Variants in STT3B observed in about 807,000 individuals in gnomAD.
STT3B encodes dolichyl-diphosphooligosaccharide--protein glycosyltransferase subunit STT3B.
Under a neutral mutation model 96.8 loss-of-function variants are expected in STT3B, and 29 were observed. That is an observed-to-expected ratio of 0.30 (90% CI 0.22 to 0.41). The LOEUF (loss-of-function observed/expected upper bound fraction) is 0.41. Among genes scored for constraint, STT3B ranks in the 10% least tolerant of loss-of-function variants. The pLI, the probability that STT3B is intolerant of heterozygous loss-of-function variation, is 1.00. For synonymous variants in STT3B, 367 were observed against 360.0 expected (o/e 1.02, Z -0.22); for missense variants, 640 against 1,022.3 (o/e 0.63, Z 5.10).
intron 2 of STT3B, among the ~76,000 whole-genome samples, chr3:31,578,936 C>G (rs931666600): frequency 6.6e-6 from 1 of 151,796 alleles, no homozygotes; most frequent in Non-Finnish European, 1.5e-5. Context: ...AATTGTATAG[C>G]CAGGAAAGGA....
intron 1 of STT3B, among the ~76,000 whole-genome samples, chr3:31,548,896 G>C (rs1042831945): frequency 6.6e-6 from 1 of 152,014 alleles, no homozygotes; most frequent in Non-Finnish European, 1.5e-5. Flanking sequence ...ATTTGAATTT[G>C]GGAAAAAAAC....
At chr3:31,591,624 C>T (rs943201081) in intron 3 of STT3B, among the ~76,000 whole-genome samples, 7 of 152,054 alleles carry the variant, frequency 4.6e-5, no homozygotes, top group Non-Finnish European at 1.0e-4. Context: ...AATATAGCAG[C>T]TTTGCTCCAA....
chr3:31,581,497 A>G (rs145801608), intron 3 of STT3B, among the ~76,000 whole-genome samples: 12 of 152,328 alleles, frequency 7.9e-5, no homozygotes, highest in African/African-American at 2.9e-4. Context: ...ACAGTGAACT[A>G]CCATTTGCAT....
chr3:31,625,853 C>G, intron 12 of STT3B, 101 bp from the exon 13 acceptor site: 1 of 1,150,238 alleles, frequency 8.7e-7, no homozygotes, highest in East Asian at 2.5e-5. Flanking sequence ...CCATGTAAAA[C>G]AAACTCTTGA....
chr3:31,567,535 T>C (rs1387628304), intron 1 of STT3B, among the ~76,000 whole-genome samples: 9 of 152,212 alleles, frequency 5.9e-5, no homozygotes, highest in Middle Eastern at 3.2e-3. Flanking sequence ...TTCTTCCACT[T>C]AATTTATTCT....
chr3:31,625,946 T>C lies in STT3B; in HGVS notation c.1900-8T>C. ...AAAAACATTCTCATTTTTTTTTAAA[T>C]TCTGCAGGTGGGAAAAGCTATGTCT... On this transcript the variant is annotated splice_polypyrimidine_tract_variant and splice_region_variant and intron_variant, in intron 12 of 15. Coordinates refer to ENST00000295770, the MANE Select transcript of STT3B (RefSeq NM_178862.3). The C allele has an allele frequency of 6.4e-7, 1 of 1,566,248 alleles. No individual in the cohort carries two copies. The highest frequency in any genetic ancestry group is 1.2e-5 in the South Asian group (1 of 82,766).
chr3:31,545,015 A>C (rs761721709), intron 1 of STT3B, among the ~76,000 whole-genome samples: 3 of 152,130 alleles, frequency 2.0e-5, no homozygotes, highest in Non-Finnish European at 2.9e-5. Flanking sequence ...TTTAATTGCA[A>C]TCCCAAGATG....
intron 7 of STT3B, 69 bp from the exon 8 acceptor site, chr3:31,617,871 T>TA: frequency 9.4e-7 from 1 of 1,066,974 alleles, no homozygotes; most frequent in South Asian, 1.3e-5. Flanking sequence ...GCAATAAACA[T>TA]AAAGGCAATA....
chr3:31,602,604 C>A (rs1698954249), intron 5 of STT3B, among the ~76,000 whole-genome samples: 1 of 150,636 alleles, frequency 6.6e-6, no homozygotes, highest in African/African-American at 2.4e-5. Flanking sequence ...TTAACCTTAG[C>A]ACCAAGATTT....
At chr3:31,611,952 A>G (rs1259270951) in intron 5 of STT3B, among the ~76,000 whole-genome samples, 1 of 152,208 alleles carries the variant, frequency 6.6e-6, no homozygotes, top group African/African-American at 2.4e-5. Context: ...ATTCAAGCAG[A>G]GCAGTCAGTA....
At position 31,625,982 on chromosome 3, in the gene STT3B, C is replaced by G; in HGVS notation, c.1928C>G (p.Thr643Arg). The stretch of plus-strand genomic sequence containing the variant: ...GGAAAAGCTATGTCTTCTAATGAAA[C>G]AGCAGCCTATAAAATCATGAGGACT... The part of the protein sequence containing the change: ...LVGKAMSSNE[T>R]AAYKIMRTLD... The change falls in exon 13 of 16, where the codon ACA (threonine) becomes AGA (arginine). Residue 643 changes from threonine to arginine, a missense_variant. By Grantham distance (71) the Thr-to-Arg change is moderately conservative. Coordinates refer to ENST00000295770, the MANE Select transcript of STT3B (RefSeq NM_178862.3). 1 of 1,610,940 alleles carries G rather than the reference C, an allele frequency of 6.2e-7. No homozygotes were observed. Among genetic ancestry groups the G allele is most frequent in the Non-Finnish European group, 8.5e-7 (1 of 1,178,820 alleles).
intron 5 of STT3B, among the ~76,000 whole-genome samples, chr3:31,610,316 C>G (rs930610841): frequency 2.0e-5 from 3 of 152,078 alleles, no homozygotes; most frequent in Admixed American, 1.3e-4. Flanking sequence ...TTGGCTAATA[C>G]TATTTTGGTT....
intron 1 of STT3B, 29 bp downstream of exon 1, chr3:31,533,341 C>A (rs982176276): frequency 4.7e-6 from 7 of 1,481,486 alleles, no homozygotes; most frequent in African/African-American, 2.9e-5. Flanking sequence ...CTCCCCCGCC[C>A]GTGGCCCGCG....
chr3:31,613,459 C>G (rs527920322), intron 5 of STT3B, among the ~76,000 whole-genome samples: 1 of 152,142 alleles, frequency 6.6e-6, no homozygotes, highest in Admixed American at 6.6e-5. Flanking sequence ...CAGTGTTTGT[C>G]TAGGATTTGA....
At chr3:31,547,167 G>A (rs1490525687) in intron 1 of STT3B, among the ~76,000 whole-genome samples, 1 of 152,130 alleles carries the variant, frequency 6.6e-6, no homozygotes, top group African/African-American at 2.4e-5. Context: ...AGTAAGTTCA[G>A]CCCCAAGTTC....
chr3:31,594,680 A>G (rs1698746592), intron 3 of STT3B, among the ~76,000 whole-genome samples: 1 of 152,108 alleles, frequency 6.6e-6, no homozygotes. Context: ...TCGGCCTCCC[A>G]AAGTGCTGGA....
Position 31,583,090 on chromosome 3 carries a change from C to T in STT3B, c.711+2994C>T, listed in dbSNP as rs117265763. Reference sequence around the variant, plus strand: ...TGTTGTGTTAAGTTCTATATCATCTCCTGTCTGGTTGTTCTATCCATTATT... The same window carrying T: ...TGTTGTGTTAAGTTCTATATCATCTTCTGTCTGGTTGTTCTATCCATTATT... On this transcript the variant is annotated intron_variant, in intron 3 of 15. Coordinates refer to ENST00000295770, the MANE Select transcript of STT3B (RefSeq NM_178862.3). Among the ~76,000 whole-genome samples the T allele has an allele frequency of 1.4e-3, 208 of 152,238 alleles. 6 individuals carry two copies. The East Asian group carries it at 0.033, about 24-fold the overall frequency.
chr3:31,591,963 G>T (rs988335056), intron 3 of STT3B, among the ~76,000 whole-genome samples: 1 of 151,630 alleles, frequency 6.6e-6, no homozygotes, highest in Non-Finnish European at 1.5e-5. Context: ...TTAAACTATG[G>T]TAAAATTGAC....
intron 1 of STT3B, among the ~76,000 whole-genome samples, chr3:31,544,944 G>A (rs147177150): frequency 1.6e-3 from 214 of 135,928 alleles, no homozygotes; most frequent in Admixed American, 4.2e-3. Flanking sequence ...CTCAGGGAGC[G>A]GGGGGGGAAC....
Sources: allele counts gnomAD v4.1 joint callset (sites outside exome capture counted in the v4.1 genomes callset), GRCh38; gene constraint gnomAD v4.1.1; transcripts MANE v1.5; gene names NCBI Gene and HGNC (gene_info 2026-07-23, HGNC 2026-07-21).